The following CLDN1 variants were observed in gnomAD, a reference collection of about 807,000 sequenced individuals.
The protein encoded by CLDN1 is claudin 1.
In CLDN1, 12 loss-of-function variants were observed where a neutral mutation model predicts 22.6. The observed-to-expected ratio is 0.53, with a 90% CI of 0.34 to 0.86. The LOEUF (loss-of-function observed/expected upper bound fraction) is 0.86, where lower values mean the gene tolerates loss of function less well. CLDN1 is among the 40% of genes least tolerant of loss of function. The pLI, the probability that CLDN1 is intolerant of heterozygous loss-of-function variation, is 0.02. For missense variants in CLDN1, 250 were observed against 269.5 expected (o/e 0.93, Z 0.51); for synonymous variants, 99 against 103.8 (o/e 0.95, Z 0.28).
intron 1 of CLDN1, among the ~76,000 whole-genome samples, chr3:190,319,394 C>T (rs1716857746): frequency 6.6e-6 from 1 of 152,104 alleles, no homozygotes; most frequent in South Asian, 2.1e-4. Flanking sequence ...CATTTGTTTC[C>T]CCAGGAAGTG....
chr3:190,308,022 TATG>T lies in CLDN1; in HGVS notation c.*252_*254del. On this transcript the variant is annotated 3_prime_UTR_variant, in exon 4 of 4. Coordinates refer to ENST00000295522, the MANE Select transcript of CLDN1 (RefSeq NM_021101.5). ...AGGAGCACCCCTTCCCCCAGTTGAG[TATG>T]ATTACTCAATGGGAAGCAGTAATAC... The T allele has an allele frequency of 2.3e-6, 1 of 426,020 alleles. No homozygotes were observed. The highest frequency in any genetic ancestry group is 4.3e-6 in the Non-Finnish European group (1 of 230,394). 26.4% of individuals were successfully genotyped at this position (426,020 alleles called of 1,614,324 possible).
intron 1 of CLDN1, among the ~76,000 whole-genome samples, chr3:190,315,185 A>G (rs955466598): frequency 6.6e-6 from 1 of 152,226 alleles, no homozygotes; most frequent in African/African-American, 2.4e-5. Flanking sequence ...CTTGGCAGGA[A>G]AATATTTCAG....
intron 1 of CLDN1, among the ~76,000 whole-genome samples, chr3:190,313,402 T>A (rs1716678275): frequency 6.6e-6 from 1 of 152,244 alleles, no homozygotes; most frequent in African/African-American, 2.4e-5. Context: ...TAATTTTAAG[T>A]AACAATCATA....
At chr3:190,309,761 C>T (rs73889953) in intron 3 of CLDN1, among the ~76,000 whole-genome samples, 3,241 of 152,206 alleles carry the variant, frequency 0.021, 127 homozygotes, top group African/African-American at 0.074. Flanking sequence ...TCATTAACCC[C>T]TATAGTAGTA....
At position 190,313,248 on chromosome 3, in the gene CLDN1, T is replaced by A. The variant is rs988705040; in HGVS notation, c.224-212A>T. 47 of 565,906 alleles carry A rather than the reference T, an allele frequency of 8.3e-5. No homozygotes were observed. In the African/African-American group the frequency reaches 8.6e-4, roughly 10 times the overall value. 35.1% of individuals were successfully genotyped at this position (565,906 alleles called of 1,614,324 possible). ...GCCAGGCTGGATGATGAAAAAGAGA[T>A]CCCTCCACTCCAATATTTTATGTTT... On this transcript the variant is annotated intron_variant, in intron 1 of 3. Coordinates refer to ENST00000295522, the MANE Select transcript of CLDN1 (RefSeq NM_021101.5).
At chr3:190,314,778 T>A (rs1247665042) in intron 1 of CLDN1, among the ~76,000 whole-genome samples, 1 of 152,118 alleles carries the variant, frequency 6.6e-6, no homozygotes, top group East Asian at 1.9e-4. Flanking sequence ...AAGGTTAAGT[T>A]TTACTTGATT....
rs1030512767 is a variant in CLDN1, at chr3:190,308,046, A to G, written c.*231T>C. 4.5e-4 allele frequency: 217 copies of G among 481,188 alleles called. 2 individuals are homozygous for G. Among genetic ancestry groups the G allele is most frequent in the Non-Finnish European group, 1.1e-4 (30 of 265,386 alleles). 29.8% of individuals were successfully genotyped at this position (481,188 alleles called of 1,614,324 possible). On this transcript the variant is annotated 3_prime_UTR_variant, in exon 4 of 4. Transcript: ENST00000295522. ...GTATGATTACTCAATGGGAAGCAGTAATACAAATGGAAAAATCTTCCCTCC... is the reference window on the plus strand; with the variant it reads ...GTATGATTACTCAATGGGAAGCAGTGATACAAATGGAAAAATCTTCCCTCC...
chr3:190,306,819 G>A lies in CLDN1; in HGVS notation c.*1458C>T, dbSNP rs1716466868. ...GAAATAGACTGGTAGAGAGAGGAAG[G>A]CACTGAGCCACATGAAGGTATGTGC... On this transcript the variant is annotated 3_prime_UTR_variant, in exon 4 of 4. Transcript: ENST00000295522. 1 of 152,726 alleles carries A rather than the reference G, an allele frequency of 6.5e-6. No individual in the cohort carries two copies. Among genetic ancestry groups the A allele is most frequent in the South Asian group, 2.1e-4 (1 of 4,814 alleles). The allele number at this position is 152,726 out of a possible 1,614,324, so 9.5% of individuals were successfully genotyped here.
chr3:190,311,915 T>A (rs565191941), intron 2 of CLDN1, among the ~76,000 whole-genome samples: 1 of 151,846 alleles, frequency 6.6e-6, no homozygotes, highest in Non-Finnish European at 1.5e-5. Context: ...AACTTATCAA[T>A]CAACACTTGA....
In CLDN1 at chr3:190,306,269, G is replaced by A. The variant is rs569417807; in HGVS notation, c.*2008C>T. The stretch of plus-strand genomic sequence containing the variant: ...CATCTGTTTAGCCACAGAAAGCATC[G>A]GGCCATACTCACTGCAGAAGATAAG... On this transcript the variant is annotated 3_prime_UTR_variant, in exon 4 of 4. Coordinates refer to ENST00000295522, the MANE Select transcript of CLDN1 (RefSeq NM_021101.5). 2.0e-5 allele frequency: 3 copies of A among 152,194 alleles called. No individual in the cohort carries two copies. Among genetic ancestry groups the A allele is most frequent in the Admixed American group, 1.3e-4 (2 of 15,276 alleles). The allele number at this position is 152,194 out of a possible 1,614,324, so 9.4% of individuals were successfully genotyped here. A position where few individuals can be genotyped will look rare whatever the true frequency, so the allele number is the denominator to read the frequency against.
At chr3:190,317,688 A>T (rs1004039733) in intron 1 of CLDN1, among the ~76,000 whole-genome samples, 6 of 152,200 alleles carry the variant, frequency 3.9e-5, no homozygotes, top group African/African-American at 1.4e-4. Context: ...TTCCAGGACC[A>T]CCCACAGGTA....
rs79256024 is a variant in CLDN1, at chr3:190,317,783, T to G, written c.223+4201A>C. Among the ~76,000 whole-genome samples the G allele has an allele frequency of 2.4e-3, 372 of 152,312 alleles. 12 individuals are homozygous for G. In the East Asian group the frequency reaches 0.06, roughly 25 times the overall value. ...AGTCAACCCTCCCTACATGCAGGCT[T>G]TGGACTCTCAGATACTGTATTCTTG... On this transcript the variant is annotated intron_variant, in intron 1 of 3. Transcript: ENST00000295522.
intron 2 of CLDN1, among the ~76,000 whole-genome samples, chr3:190,311,161 T>C (rs1267611967): frequency 6.6e-6 from 1 of 152,162 alleles, no homozygotes; most frequent in African/African-American, 2.4e-5. Flanking sequence ...CTTGTGATGC[T>C]TACTCCTAAG....
At chr3:190,321,956 G>A (rs1252851086) in intron 1 of CLDN1, 28 bp downstream of exon 1, 1 of 1,594,350 alleles carries the variant, frequency 6.3e-7, no homozygotes, top group Non-Finnish European at 8.6e-7. Flanking sequence ...GCCTCTGGAC[G>A]GCCGCTGTGA....
intron 1 of CLDN1, among the ~76,000 whole-genome samples, chr3:190,314,563 T>G (rs1399629802): frequency 1.5e-5 from 1 of 64,710 alleles, no homozygotes; most frequent in African/African-American, 1.6e-4. Flanking sequence ...CCTGGCTAAA[T>G]TTTTTTTTTT....
rs1244889542 is a variant in CLDN1 at position 190,307,006 on chromosome 3, A to G, written c.*1271T>C. ...GTAGGTTTTGTTCAGTGACTTCTTC[A>G]GTGTCTCAGCCAGCTGAGCAAATAA... On this transcript the variant is annotated 3_prime_UTR_variant, in exon 4 of 4. Coordinates refer to ENST00000295522, the MANE Select transcript of CLDN1 (RefSeq NM_021101.5). The G allele has an allele frequency of 6.6e-6, 1 of 152,658 alleles. No homozygotes were observed. Among genetic ancestry groups the G allele is most frequent in the Non-Finnish European group, 1.5e-5 (1 of 68,050 alleles). The allele number at this position is 152,658 out of a possible 1,614,324, so 9.5% of individuals were successfully genotyped here.
Position 190,322,256 on chromosome 3 carries a change from G to C in CLDN1, c.-50C>G, listed in dbSNP as rs908148538. 2.6e-6 allele frequency: 4 copies of C among 1,565,082 alleles called. No individual in the cohort carries two copies. The highest frequency in any genetic ancestry group is 3.5e-6 in the Non-Finnish European group (4 of 1,141,108). On this transcript the variant is annotated 5_prime_UTR_variant, in exon 1 of 4. Transcript: ENST00000295522. ...CTCAGGGGTGGCAGGTGCAGAAGGC[G>C]GAGAGTTTGCAGGTGGGCAACCCGG... is the stretch of plus-strand genomic sequence containing the variant.
Position 190,305,808 on chromosome 3 carries a change from TAGA to T in CLDN1, c.*2466_*2468del, listed in dbSNP as rs1227039316. ...TCTATTGGTCTGTTTCCAGGTGTGG[TAGA>T]AGAATATAAAAAGATCAAAATTGGA... On this transcript the variant is annotated 3_prime_UTR_variant, in exon 4 of 4. Transcript: ENST00000295522. The T allele has an allele frequency of 1.3e-5, 2 of 152,194 alleles. No homozygotes were observed. The highest frequency in any genetic ancestry group is 2.9e-5 in the Non-Finnish European group (2 of 68,034). The allele number at this position is 152,194 out of a possible 1,614,324, so 9.4% of individuals were successfully genotyped here.
At chr3:190,310,825 G>A (rs1716596006) in intron 2 of CLDN1, among the ~76,000 whole-genome samples, 2 of 152,152 alleles carry the variant, frequency 1.3e-5, no homozygotes, top group African/African-American at 2.4e-5. Context: ...CCTGAGATTT[G>A]TTGAGGGTGC....
Sources: allele counts gnomAD v4.1 joint callset (sites outside exome capture counted in the v4.1 genomes callset), GRCh38; gene constraint gnomAD v4.1.1; transcripts MANE v1.5; gene names NCBI Gene and HGNC (gene_info 2026-07-23, HGNC 2026-07-21).